The following GOLGA8T variants were observed in gnomAD, a reference collection of about 807,000 sequenced individuals.
GOLGA8T encodes golgin A8 family member T, also known as golgin subfamily A member 8T.
GOLGA8T carries 17 observed loss-of-function variants against 52.0 expected under a neutral mutation model. That is an observed-to-expected ratio of 0.33 (90% CI 0.22 to 0.49). GOLGA8T has a LOEUF of 0.49. Ranked by LOEUF, GOLGA8T falls within the 20% of genes least tolerant of loss-of-function variation. The pLI is 0.99. For synonymous variants in GOLGA8T, 67 were observed against 169.5 expected (o/e 0.40, Z 4.70); for missense variants, 154 against 462.1 (o/e 0.33, Z 6.11).
intron 8 of GOLGA8T, among the ~76,000 whole-genome samples, chr15:30,140,636 C>G (rs1595415000): frequency 6.9e-6 from 1 of 145,288 alleles, no homozygotes; most frequent in South Asian, 2.1e-4. Flanking sequence ...CTCTCTGGGC[C>G]TCTGTTAGCC....
In GOLGA8T at chr15:30,141,335, C is replaced by A. The variant is rs755348693; in HGVS notation, c.787-3C>A. On this transcript the variant is annotated splice_polypyrimidine_tract_variant and splice_region_variant and intron_variant, in intron 10 of 18. Coordinates refer to ENST00000569052, the MANE Select transcript of GOLGA8T (RefSeq NM_001355469.2). ...AGGCCCTTTCCCCTTGTGCTTTGGGCAGATTTGCACATTAAAGAAAGAGAA... is the reference window on the plus strand; with the variant it reads ...AGGCCCTTTCCCCTTGTGCTTTGGGAAGATTTGCACATTAAAGAAAGAGAA... 3.2e-5 allele frequency: 49 copies of A among 1,547,950 alleles called. 5 individuals carry two copies. The highest frequency in any genetic ancestry group is 3.6e-4 in the Middle Eastern group (2 of 5,568).
In GOLGA8T at chr15:30,145,502, G is replaced by A; in HGVS notation, c.1831G>A (p.Gly611Ser). The A allele has an allele frequency of 6.4e-7, 1 of 1,557,096 alleles. No homozygotes were observed. Among genetic ancestry groups the A allele is most frequent in the Non-Finnish European group, 8.6e-7 (1 of 1,165,818 alleles). ...PIVQDHQEHP[G>S]LGSNCCVPFL... The stretch of plus-strand genomic sequence containing the variant: ...CGTGCAGGACCACCAGGAGCACCCA[G>A]GCTTGGGCAGCAACTGCTGTGTGCC... Residue 611 changes from glycine to serine, a missense_variant, in exon 19 of 19, where the codon GGC becomes AGC. Transcript: ENST00000569052.
chr15:30,144,805 G>A lies in GOLGA8T; in HGVS notation c.1395G>A (p.Glu465=). ...AMSSFMDHLK[E]KADLSELVKK... is the part of the protein sequence containing the mutation. The stretch of plus-strand genomic sequence containing the variant: ...GCAGCTTTATGGACCACCTGAAGGA[G>A]AAGGCAGACCTGAGTGAGCTGGTGA... Residue 465 remains glutamate (E), a synonymous_variant, in exon 16 of 19, where the codon GAG becomes GAA. Coordinates refer to ENST00000569052, the MANE Select transcript of GOLGA8T (RefSeq NM_001355469.2). 1.3e-6 allele frequency: 2 copies of A among 1,548,638 alleles called. No homozygotes were observed. Among genetic ancestry groups the A allele is most frequent in the Non-Finnish European group, 1.7e-6 (2 of 1,154,696 alleles).
At chr15:30,140,651 A>G (rs2057730190) in intron 8 of GOLGA8T, among the ~76,000 whole-genome samples, 191 bp from the exon 9 acceptor site, 2 of 145,742 alleles carry the variant, frequency 1.4e-5, no homozygotes, top group East Asian at 2.0e-4. Flanking sequence ...TTAGCCAGCT[A>G]TAAATTCAAT....
At chr15:30,136,466 T>TA in intron 1 of GOLGA8T, among the ~76,000 whole-genome samples, 1 of 148,608 alleles carries the variant, frequency 6.7e-6, no homozygotes, top group South Asian at 2.2e-4. Context: ...GACACATTGA[T>TA]ATAAGAGTTT....
rs748718028 is a variant in GOLGA8T, at chr15:30,141,375, G to A, written c.824G>A (p.Arg275His). The change falls in exon 11 of 19, where the codon CGT (arginine) becomes CAT (histidine). Residue 275 changes from arginine (R) to histidine (H), a missense_variant. By Grantham distance (29) the Arg-to-His change is conservative (BLOSUM62 0). Coordinates refer to ENST00000569052, the MANE Select transcript of GOLGA8T (RefSeq NM_001355469.2). ...TLKKEKQQDM[R>H]RVEELERSLS... ...AAGAAAGAGAAGCAGCAAGATATGC[G>A]TCGGGTAGAGGAGCTGGAGAGGAGC... The A allele has an allele frequency of 3.8e-5, 59 of 1,545,086 alleles. 5 individuals carry two copies. The highest frequency in any genetic ancestry group is 8.6e-5 in the Admixed American group (5 of 57,934).
chr15:30,144,236 C>G, intron 15 of GOLGA8T, 32 bp downstream of exon 15: 1 of 170,830 alleles, frequency 5.9e-6, no homozygotes, highest in Non-Finnish European at 1.0e-5. Context: ...CCCATTTTGC[C>G]ACCTTTCTCT....
chr15:30,143,321 C>T (rs1335432101), intron 13 of GOLGA8T, among the ~76,000 whole-genome samples: 3 of 112,016 alleles, frequency 2.7e-5, no homozygotes, highest in African/African-American at 1.4e-4. Context: ...AGCCAAGAGG[C>T]TCAGAGTCTG....
intron 11 of GOLGA8T, among the ~76,000 whole-genome samples, 154 bp downstream of exon 11, chr15:30,141,579 G>A (rs978915752): frequency 1.6e-5 from 2 of 124,140 alleles, no homozygotes; most frequent in African/African-American, 4.6e-5. Context: ...TCATCTCAAT[G>A]AGTCTCAGTG....
rs2057819075 is a variant in GOLGA8T, at chr15:30,145,593, C to G, written c.*26C>G. ...ACATCACCATCCTCAAAGAGCTGCT[C>G]AAGAAATTTTTAAATAAGAAACCAA... On this transcript the variant is annotated 3_prime_UTR_variant, in exon 19 of 19. Transcript: ENST00000569052. The G allele has an allele frequency of 2.3e-6, 3 of 1,321,916 alleles. No homozygotes were observed. Among genetic ancestry groups the G allele is most frequent in the South Asian group, 1.4e-5 (1 of 72,564 alleles). 81.9% of individuals were successfully genotyped at this position (1,321,916 alleles called of 1,614,324 possible).
Position 30,144,856 on chromosome 15 carries a change from C to T in GOLGA8T, c.1446C>T (p.His482=). Residue 482 remains histidine (H), a synonymous_variant, in exon 16 of 19, where the codon CAC becomes CAT. Coordinates refer to ENST00000569052, the MANE Select transcript of GOLGA8T (RefSeq NM_001355469.2). ...AAAAAGAACTCTGCTTCATCCACCA[C>T]TGGCGAGACAGACGCCATCAGTGAG... The part of the protein sequence containing the change: ...LVKKELCFIH[H]WRDRRHQKTH... The T allele has an allele frequency of 6.3e-7, 1 of 1,581,334 alleles. No homozygotes were observed. Among genetic ancestry groups the T allele is most frequent in the Non-Finnish European group, 8.6e-7 (1 of 1,169,400 alleles).
intron 2 of GOLGA8T, among the ~76,000 whole-genome samples, chr15:30,137,206 T>C (rs1425548328): frequency 2.0e-5 from 3 of 147,400 alleles, no homozygotes; most frequent in African/African-American, 7.7e-5. Flanking sequence ...TGAAACCCTG[T>C]CTCTACTAAA....
chr15:30,144,568 G>T (rs1451672371), intron 15 of GOLGA8T, among the ~76,000 whole-genome samples: 21 of 133,458 alleles, frequency 1.6e-4, no homozygotes, highest in African/African-American at 6.2e-4. Flanking sequence ...TCACCCGGTG[G>T]CCTCGGCCCA....
At chr15:30,137,291 T>C (rs1347806829) in intron 2 of GOLGA8T, among the ~76,000 whole-genome samples, 1 of 141,912 alleles carries the variant, frequency 7.0e-6, no homozygotes, top group Non-Finnish European at 1.5e-5. Context: ...GGCAAGAGAA[T>C]GGTGTGAACC....
chr15:30,136,352 C>T (rs1354339390), intron 1 of GOLGA8T, among the ~76,000 whole-genome samples: 2 of 147,908 alleles, frequency 1.4e-5, no homozygotes, highest in African/African-American at 5.0e-5. Context: ...ATGACAGTCA[C>T]ATAGGTTTCT....
Position 30,142,388 on chromosome 15 carries a change from G to A in GOLGA8T, c.1200+6G>A. 6.4e-7 allele frequency: 1 copy of A among 1,562,388 alleles called. No individual in the cohort carries two copies. Among genetic ancestry groups the A allele is most frequent in the Non-Finnish European group, 8.6e-7 (1 of 1,165,060 alleles). On this transcript the variant is annotated splice_donor_region_variant and intron_variant, in intron 13 of 18. Coordinates refer to ENST00000569052, the MANE Select transcript of GOLGA8T (RefSeq NM_001355469.2). The stretch of plus-strand genomic sequence containing the variant: ...TACAGGAGAAGCTTGGCGAGGTGAA[G>A]GAGACGGAAACCTCCACCCCATCCA...
rs2338476 is a variant in GOLGA8T, at chr15:30,142,392, A to T, written c.1200+10A>T. ...GGAGAAGCTTGGCGAGGTGAAGGAG[A>T]CGGAAACCTCCACCCCATCCAAGAA... On this transcript the variant is annotated intron_variant, in intron 13 of 18. Transcript: ENST00000569052. 16 of 1,564,246 alleles carry T rather than the reference A, an allele frequency of 1.0e-5. 1 individual carries two copies. The highest frequency in any genetic ancestry group is 2.3e-5 in the South Asian group (2 of 87,866).
chr15:30,142,485 G>C, intron 13 of GOLGA8T, 103 bp downstream of exon 13: 1 of 1,539,966 alleles, frequency 6.5e-7, no homozygotes. Flanking sequence ...TCCAGCCTGG[G>C]GGCTGGTGAC....
chr15:30,141,245 G>T lies in GOLGA8T; in HGVS notation c.787-93G>T. On this transcript the variant is annotated intron_variant, in intron 10 of 18. Transcript: ENST00000569052. ...AGAGCCAGAGGTGGTCATGGGTCTG[G>T]GCTTTGTGGAGGTGGGGGCAGAGAG... 2.0e-6 allele frequency: 3 copies of T among 1,509,452 alleles called. 1 individual carries two copies. Among genetic ancestry groups the T allele is most frequent in the East Asian group, 2.4e-5 (1 of 42,532 alleles). The allele number at this position is 1,509,452 out of a possible 1,614,324, so 93.5% of individuals were successfully genotyped here. A position where few individuals can be genotyped will look rare whatever the true frequency, so the allele number is the denominator to read the frequency against.
Sources: allele counts gnomAD v4.1 joint callset (sites outside exome capture counted in the v4.1 genomes callset), GRCh38; gene constraint gnomAD v4.1.1; transcripts MANE v1.5; gene names NCBI Gene and HGNC (gene_info 2026-07-23, HGNC 2026-07-21).